The following ANKRD44 variants were observed in gnomAD, a reference collection of about 807,000 sequenced individuals.
ANKRD44 encodes serine/threonine-protein phosphatase 6 regulatory ankyrin repeat subunit B.
A neutral mutation model predicts 116.0 loss-of-function variants in ANKRD44; 35 were observed. The ratio of observed to expected loss-of-function variants is 0.30; its 90% CI spans 0.23 to 0.40. The LOEUF is 0.40. ANKRD44 is among the 10% of genes least tolerant of loss of function. The pLI is 1.00. For synonymous variants in ANKRD44, 435 were observed against 461.8 expected, an observed-to-expected ratio of 0.94 and a Z score of 0.74; for missense variants, 1,014 against 1,242.6, an observed-to-expected ratio of 0.82 and a Z score of 2.77.
intron 21 of ANKRD44, among the ~76,000 whole-genome samples, chr2:196,969,274 T>C (rs1217092077): frequency 1.3e-5 from 2 of 152,242 alleles, no homozygotes; most frequent in African/African-American, 4.8e-5. Context: ...TTAGAGACTT[T>C]GATTACCGAG....
At chr2:197,116,875 A>G (rs1417705485) in intron 8 of ANKRD44, among the ~76,000 whole-genome samples, 1 of 152,202 alleles carries the variant, frequency 6.6e-6, no homozygotes, top group East Asian at 1.9e-4. Flanking sequence ...GTCAAAAACT[A>G]AATATATTGG....
chr2:197,104,373 G>A (rs932259493), intron 9 of ANKRD44, among the ~76,000 whole-genome samples: 4 of 152,038 alleles, frequency 2.6e-5, no homozygotes, highest in Non-Finnish European at 4.4e-5. Flanking sequence ...TACTTGTCTC[G>A]GCCTCCCAAA....
chr2:197,178,019 T>C (rs1559127111), intron 2 of ANKRD44, among the ~76,000 whole-genome samples: 1 of 152,204 alleles, frequency 6.6e-6, no homozygotes, highest in East Asian at 1.9e-4. Flanking sequence ...GTATATATAG[T>C]TAACCAATTA....
intron 10 of ANKRD44, among the ~76,000 whole-genome samples, chr2:197,090,515 C>A (rs1205706296): frequency 1.4e-5 from 2 of 139,212 alleles, no homozygotes; most frequent in Admixed American, 7.5e-5. Flanking sequence ...TTTTTTGAGA[C>A]AGAGTCTCAC....
intron 21 of ANKRD44, among the ~76,000 whole-genome samples, chr2:196,975,797 A>C (rs1466816185): frequency 8.6e-6 from 1 of 116,532 alleles, no homozygotes; most frequent in African/African-American, 3.0e-5. Context: ...CAAAAAAAAA[A>C]AAGAAAAAGA....
chr2:197,027,265 G>A (rs1054515401), intron 16 of ANKRD44, among the ~76,000 whole-genome samples: 5 of 152,154 alleles, frequency 3.3e-5, no homozygotes, highest in African/African-American at 1.2e-4. Flanking sequence ...AGGAGGCTGA[G>A]GTGGGAGGAC....
chr2:197,120,535 C>A (rs1163216579), intron 8 of ANKRD44, among the ~76,000 whole-genome samples: 1 of 152,066 alleles, frequency 6.6e-6, no homozygotes, highest in Non-Finnish European at 1.5e-5. Context: ...TCTGTAATCC[C>A]AGCTACTGGG....
At chr2:197,100,489 T>C (rs1426271939) in intron 9 of ANKRD44, among the ~76,000 whole-genome samples, 3 of 152,202 alleles carry the variant, frequency 2.0e-5, no homozygotes, top group Non-Finnish European at 2.9e-5. Context: ...AATCTTTCCA[T>C]ATTGTCTTAG....
chr2:197,102,131 T>G (rs2078308780), intron 9 of ANKRD44, among the ~76,000 whole-genome samples: 1 of 152,216 alleles, frequency 6.6e-6, no homozygotes, highest in African/African-American at 2.4e-5. Context: ...CTTCTAAAGA[T>G]GACTTCTTGG....
At chr2:197,064,504 G>A (rs983312895) in intron 16 of ANKRD44, among the ~76,000 whole-genome samples, 5 of 152,152 alleles carry the variant, frequency 3.3e-5, no homozygotes, top group African/African-American at 1.2e-4. Flanking sequence ...GACAGAGACT[G>A]GCAAATTGGA....
chr2:197,107,062 G>A (rs1269202296), intron 9 of ANKRD44, among the ~76,000 whole-genome samples: 1 of 152,118 alleles, frequency 6.6e-6, no homozygotes, highest in Admixed American at 6.6e-5. Context: ...TTGACAACCA[G>A]TGAGGAAAAT....
At chr2:197,202,968 G>A (rs1278840262) in intron 1 of ANKRD44, among the ~76,000 whole-genome samples, 1 of 151,892 alleles carries the variant, frequency 6.6e-6, no homozygotes, top group African/African-American at 2.4e-5. Flanking sequence ...GGGAAACTAG[G>A]TCCCACCCCA....
At chr2:197,034,152 A>G (rs1042241756) in intron 16 of ANKRD44, among the ~76,000 whole-genome samples, 1 of 151,144 alleles carries the variant, frequency 6.6e-6, no homozygotes, top group Non-Finnish European at 1.5e-5. Context: ...GGAAAACAAC[A>G]TTGCTCTACA....
chr2:197,028,153 G>A (rs1220954276), intron 16 of ANKRD44, among the ~76,000 whole-genome samples: 1 of 152,144 alleles, frequency 6.6e-6, no homozygotes, highest in Non-Finnish European at 1.5e-5. Flanking sequence ...AATAGTATAG[G>A]TTAAATATAG....
chr2:197,112,533 C>A (rs1476308676), intron 8 of ANKRD44, among the ~76,000 whole-genome samples: 1 of 151,842 alleles, frequency 6.6e-6, no homozygotes, highest in Non-Finnish European at 1.5e-5. Flanking sequence ...CACGGTGAAA[C>A]CCCGTCTCTA....
At chr2:197,206,894 C>A (rs1235658880) in intron 1 of ANKRD44, among the ~76,000 whole-genome samples, 1 of 152,146 alleles carries the variant, frequency 6.6e-6, no homozygotes, top group Non-Finnish European at 1.5e-5. Context: ...AGAATTACGT[C>A]CCTCATGTTC....
intron 2 of ANKRD44, among the ~76,000 whole-genome samples, chr2:197,151,342 A>G (rs1389966963): frequency 1.3e-5 from 2 of 152,232 alleles, no homozygotes; most frequent in Non-Finnish European, 2.9e-5. Flanking sequence ...ACCAGCAAGA[A>G]TTTGAGATCA....
Position 197,279,285 on chromosome 2 carries a change from G to A in ANKRD44, c.27+31293C>T, listed in dbSNP as rs142745336. 2.7e-3 allele frequency among the ~76,000 whole-genome samples: 417 copies of A among 152,250 alleles called. 6 individuals are homozygous for A. Among genetic ancestry groups the A allele is most frequent in the Non-Finnish European group, 7.8e-4 (53 of 68,018 alleles). On this transcript the variant is annotated intron_variant, in intron 1 of 27. Coordinates refer to ENST00000282272, the MANE Select transcript of ANKRD44 (RefSeq NM_001195144.2). ...GGAGCCTACCTGTATACAATAAAAC[G>A]TCATTTGTCCTTGGAAGATGGCCTG...
At chr2:196,982,121 T>TATATATATATATATATAC, downstream of ANKRD44, among the ~76,000 whole-genome samples, 1 of 144,450 alleles carries the variant, frequency 6.9e-6, no homozygotes, top group East Asian at 2.0e-4. Flanking sequence ...TATATATATA[T>TATATATATATATATATAC]ATATATATGC....
Sources: allele counts gnomAD v4.1 joint callset (sites outside exome capture counted in the v4.1 genomes callset), GRCh38; gene constraint gnomAD v4.1.1; transcripts MANE v1.5; gene names NCBI Gene and HGNC (gene_info 2026-07-23, HGNC 2026-07-21).